Variants in ZRANB3 observed in about 807,000 individuals in gnomAD.
ZRANB3 encodes the protein zinc finger RANBP2-type containing 3.
Under a neutral mutation model 133.8 loss-of-function variants are expected in ZRANB3, and 125 were observed. That is an observed-to-expected ratio of 0.93 (90% confidence interval 0.81 to 1.08). The LOEUF (loss-of-function observed/expected upper bound fraction) is 1.08, where lower values mean the gene tolerates loss of function less well. ZRANB3 is among the 50% of genes least tolerant of loss of function. The pLI is 0.00. For missense variants in ZRANB3, 1,229 were observed against 1,275.5 expected (o/e 0.96, Z 0.56); for synonymous variants, 387 against 432.7 (o/e 0.89, Z 1.31).
chr2:135,441,618 C>T (rs1324303853), intron 2 of ZRANB3, among the ~76,000 whole-genome samples: 1 of 151,636 alleles, frequency 6.6e-6, no homozygotes, highest in Non-Finnish European at 1.5e-5. Context: ...TATATTCTTA[C>T]ATATAATATA....
intron 3 of ZRANB3, among the ~76,000 whole-genome samples, chr2:135,360,296 G>A (rs545025178): frequency 7.9e-5 from 12 of 152,196 alleles, no homozygotes; most frequent in African/African-American, 2.9e-4. Flanking sequence ...CAGGAGAATT[G>A]CTTGAACAGG....
intron 8 of ZRANB3, among the ~76,000 whole-genome samples, chr2:135,292,439 GGTT>G (rs1450072096): frequency 2.0e-5 from 3 of 152,086 alleles, no homozygotes; most frequent in Non-Finnish European, 4.4e-5. Flanking sequence ...TTTTTGATGG[GGTT>G]GTTTGTTTTT....
intron 3 of ZRANB3, among the ~76,000 whole-genome samples, chr2:135,376,625 T>C (rs1686442769): frequency 6.6e-6 from 1 of 152,212 alleles, no homozygotes; most frequent in African/African-American, 2.4e-5. Flanking sequence ...TATATGATAT[T>C]CTGGAAAAGG....
rs967815458 is a variant in ZRANB3 at position 135,235,739 on chromosome 2, C to A, written c.1540-4812G>T. ...AAGGCCTTTGACAAAATTCAACAACCCTTCATGCTAAACACTCTCAATAAA... is the reference window on the plus strand; with the variant it reads ...AAGGCCTTTGACAAAATTCAACAACACTTCATGCTAAACACTCTCAATAAA... On this transcript the variant is annotated intron_variant, in intron 12 of 20. Transcript: ENST00000264159. Among the ~76,000 whole-genome samples, 4 of 150,260 alleles carry A rather than the reference C, an allele frequency of 2.7e-5. No homozygotes were observed. The South Asian group carries it at 6.5e-4, about 24-fold the overall frequency.
Position 135,383,713 on chromosome 2 carries a change from C to T in ZRANB3, c.180+7089G>A, listed in dbSNP as rs371068847. Among the ~76,000 whole-genome samples the T allele has an allele frequency of 5.3e-5, 8 of 152,250 alleles. No individual in the cohort carries two copies. The East Asian group carries it at 9.6e-4, about 18-fold the overall frequency. ...AAACTCACTCAAAACCACACGACTA[C>T]GTGGAAACTGAACAACCTGCTCCTG... is the stretch of plus-strand genomic sequence containing the variant. On this transcript the variant is annotated intron_variant, in intron 3 of 20. Transcript: ENST00000264159.
intron 8 of ZRANB3, among the ~76,000 whole-genome samples, chr2:135,283,457 A>C (rs1681191678): frequency 6.6e-6 from 1 of 151,966 alleles, no homozygotes; most frequent in Non-Finnish European, 1.5e-5. Flanking sequence ...AAAATACAAA[A>C]AAACTAGCTG....
chr2:135,430,112 A>G (rs1689253624), intron 2 of ZRANB3, among the ~76,000 whole-genome samples: 1 of 152,002 alleles, frequency 6.6e-6, no homozygotes, highest in Non-Finnish European at 1.5e-5. Context: ...GGAGGCTGAG[A>G]CTGCACTGAG....
rs1334527292 is a variant in ZRANB3 at position 135,485,189 on chromosome 2, AT to A, written c.161+19139del. On this transcript the variant is annotated intron_variant, in intron 2 of 20. Transcript: ENST00000264159. ...AAAACAAAACAAAACAAAACAAAAC[AT>A]AACATAACATAACATAACATAACAG... Among the ~76,000 whole-genome samples the A allele has an allele frequency of 3.6e-4, 53 of 145,356 alleles. 1 individual carries two copies. In the East Asian group the frequency reaches 1.0e-2, roughly 27 times the overall value.
At chr2:135,474,050 G>T (rs1348376934) in intron 2 of ZRANB3, among the ~76,000 whole-genome samples, 1 of 152,022 alleles carries the variant, frequency 6.6e-6, no homozygotes, top group Non-Finnish European at 1.5e-5. Context: ...AAATAGCAGG[G>T]TGTGGTGGCT....
intron 2 of ZRANB3, among the ~76,000 whole-genome samples, chr2:135,477,473 G>A (rs1691555308): frequency 6.6e-6 from 1 of 152,190 alleles, no homozygotes; most frequent in Non-Finnish European, 1.5e-5. Context: ...GATCCTGCCT[G>A]CGGCCCCTCT....
chr2:135,517,536 T>C lies in ZRANB3; in HGVS notation c.-7-13040A>G, dbSNP rs564964200. On this transcript the variant is annotated intron_variant, in intron 1 of 20. Transcript: ENST00000264159. ...CCTTCTAACAGTCAGGCCCCTCTGC[T>C]GCAGGTCTGTTGGAGTTTGCTAGAG... Among the ~76,000 whole-genome samples the C allele has an allele frequency of 1.8e-3, 269 of 152,344 alleles. 3 individuals are homozygous for C. The highest frequency in any genetic ancestry group is 6.3e-3 in the African/African-American group (264 of 41,582).
At chr2:135,404,746 C>G (rs751022978) in intron 2 of ZRANB3, among the ~76,000 whole-genome samples, 1 of 152,176 alleles carries the variant, frequency 6.6e-6, no homozygotes, top group South Asian at 2.1e-4. Flanking sequence ...AGACTAACGG[C>G]GGATCTCTCG....
chr2:135,330,207 T>C (rs1684067476), intron 6 of ZRANB3, among the ~76,000 whole-genome samples: 1 of 152,200 alleles, frequency 6.6e-6, no homozygotes, highest in Non-Finnish European at 1.5e-5. Flanking sequence ...TAAATAGCTC[T>C]TATTATTTTG....
chr2:135,485,203 CAT>C (rs1692053630), intron 2 of ZRANB3, among the ~76,000 whole-genome samples: 1 of 150,284 alleles, frequency 6.7e-6, no homozygotes, highest in Admixed American at 6.6e-5. Context: ...CATAACATAA[CAT>C]AACATAACAG....
intron 3 of ZRANB3, among the ~76,000 whole-genome samples, chr2:135,379,991 A>T (rs1340106326): frequency 6.6e-6 from 1 of 152,214 alleles, no homozygotes; most frequent in Non-Finnish European, 1.5e-5. Context: ...GGAAAGCAAA[A>T]AAAAAGCAGG....
At chr2:135,433,886 A>G (rs1689419567) in intron 2 of ZRANB3, among the ~76,000 whole-genome samples, 2 of 152,202 alleles carry the variant, frequency 1.3e-5, no homozygotes. Context: ...AATCCCAGCT[A>G]CTTGGGAGGC....
chr2:135,207,400 G>A (rs1693913750), intron 19 of ZRANB3, 34 bp downstream of exon 19: 1 of 1,562,804 alleles, frequency 6.4e-7, no homozygotes, highest in East Asian at 2.3e-5. Context: ...TCAGTACAAT[G>A]CTGCCTTCTA....
chr2:135,228,095 T>C (rs1694830188), intron 13 of ZRANB3, 80 bp from the exon 14 acceptor site: 2 of 1,205,300 alleles, frequency 1.7e-6, no homozygotes, highest in Admixed American at 2.7e-5. Flanking sequence ...AGTTAGGTCT[T>C]ATAAAAAGAA....
chr2:135,499,252 G>A (rs1028849216), intron 2 of ZRANB3, among the ~76,000 whole-genome samples: 21 of 152,044 alleles, frequency 1.4e-4, no homozygotes, highest in African/African-American at 3.6e-4. Flanking sequence ...GAATACTGGG[G>A]GCTGATTTCC....
Sources: gnomAD v4.1 joint callset for allele counts (sites outside exome capture counted in the v4.1 genomes callset) on GRCh38, gnomAD v4.1.1 for gene constraint, MANE v1.5 for transcripts, NCBI Gene and HGNC (gene_info 2026-07-23, HGNC 2026-07-21) for gene names.